Variants in CFDP1 observed in about 807,000 individuals in gnomAD.
CFDP1 encodes heterochromatin-stabilizing protein CFDP1.
Under a neutral mutation model 40.1 loss-of-function variants are expected in CFDP1, and 31 were observed. The observed-to-expected ratio is 0.77, with a 90% CI of 0.58 to 1.04. The LOEUF is 1.04. Among genes scored for constraint, CFDP1 ranks in the 50% least tolerant of loss-of-function variants. CFDP1 has a pLI of 0.00. For missense variants in CFDP1, 423 were observed against 343.4 expected, an observed-to-expected ratio of 1.23 and a Z score of -1.83; for synonymous variants, 167 against 120.0, an observed-to-expected ratio of 1.39 and a Z score of -2.56.
intron 5 of CFDP1, among the ~76,000 whole-genome samples, chr16:75,349,762 T>G (rs1208685995): frequency 6.9e-6 from 1 of 144,626 alleles, no homozygotes; most frequent in Non-Finnish European, 1.5e-5. Flanking sequence ...GCTGAACTTG[T>G]TCATTAGTTC....
chr16:75,306,141 A>G (rs564325097), intron 5 of CFDP1, among the ~76,000 whole-genome samples: 109 of 152,364 alleles, frequency 7.2e-4, no homozygotes, highest in African/African-American at 2.3e-3. Context: ...TATGCAAGAA[A>G]GTTAAACATT....
At chr16:75,430,721 C>T (rs1219484019) in intron 1 of CFDP1, among the ~76,000 whole-genome samples, 33 of 152,184 alleles carry the variant, frequency 2.2e-4, no homozygotes, top group Admixed American at 2.0e-3. Flanking sequence ...GCCTCTGCCT[C>T]CCTAAGTGAT....
chr16:75,338,585 T>C (rs2078506296), intron 5 of CFDP1, among the ~76,000 whole-genome samples: 1 of 152,236 alleles, frequency 6.6e-6, no homozygotes. Flanking sequence ...ATGTCACTGC[T>C]GTTGAGAGCG....
intron 5 of CFDP1, among the ~76,000 whole-genome samples, chr16:75,314,996 C>G (rs997231313): frequency 6.6e-6 from 1 of 152,116 alleles, no homozygotes; most frequent in Non-Finnish European, 1.5e-5. Flanking sequence ...AAGTGATCCG[C>G]CTGCCTCAGC....
chr16:75,367,164 C>CAAAA (rs35018865), intron 5 of CFDP1, among the ~76,000 whole-genome samples: 2 of 87,000 alleles, frequency 2.3e-5, no homozygotes, highest in African/African-American at 4.6e-5. Context: ...GACTCCATCT[C>CAAAA]AAAAAAAAAA....
chr16:75,409,796 A>C (rs1408772244), intron 4 of CFDP1, among the ~76,000 whole-genome samples: 2 of 152,204 alleles, frequency 1.3e-5, no homozygotes, highest in Non-Finnish European at 2.9e-5. Context: ...CCAGTGGTGA[A>C]TCTGGATCAT....
Position 75,433,183 on chromosome 16 carries a change from C to CG in CFDP1, c.64+105_64+106insC, listed in dbSNP as rs1207121533. ...GCGGACGCTCGAGAACAGGAGCCCCCCTGGACCACCTGGGCCACAGGGCAG... is the reference window on the plus strand; with the variant it reads ...GCGGACGCTCGAGAACAGGAGCCCCCGCTGGACCACCTGGGCCACAGGGCAG... On this transcript the variant is annotated intron_variant, in intron 1 of 6. Coordinates refer to ENST00000283882, the MANE Select transcript of CFDP1 (RefSeq NM_006324.3). 4.2e-5 allele frequency: 47 copies of CG among 1,118,406 alleles called. 1 individual carries two copies. The highest frequency in any genetic ancestry group is 4.2e-4 in the South Asian group (31 of 74,294). The allele number at this position is 1,118,406 out of a possible 1,614,324, so 69.3% of individuals were successfully genotyped here.
chr16:75,319,844 G>A (rs1597328724), intron 5 of CFDP1, among the ~76,000 whole-genome samples: 1 of 152,302 alleles, frequency 6.6e-6, no homozygotes. Flanking sequence ...ACTTAAGCAT[G>A]AGCCCTAAGT....
chr16:75,324,359 C>T (rs968042665), intron 5 of CFDP1, among the ~76,000 whole-genome samples: 1 of 152,130 alleles, frequency 6.6e-6, no homozygotes, highest in Non-Finnish European at 1.5e-5. Context: ...TGGTGCACAG[C>T]AGATCATCAA....
intron 4 of CFDP1, among the ~76,000 whole-genome samples, chr16:75,401,423 C>G (rs1435130052): frequency 9.8e-6 from 1 of 102,524 alleles, no homozygotes; most frequent in South Asian, 4.0e-4. Flanking sequence ...GTTAAGACTC[C>G]GTCTCAAAAA....
intron 1 of CFDP1, among the ~76,000 whole-genome samples, chr16:75,421,080 A>C (rs1296500855): frequency 6.6e-6 from 1 of 152,148 alleles, no homozygotes; most frequent in East Asian, 1.9e-4. Context: ...ATCTCCGGCC[A>C]GCCAGCAGAC....
Position 75,293,719 on chromosome 16 carries a change from T to C in CFDP1, c.*233A>G, listed in dbSNP as rs540023409. ...AAGGTGAGCGAGGTCGTCATCTTCATTATCCTCTCACAGGACCAACTTTTA... is the reference window on the plus strand; with the variant it reads ...AAGGTGAGCGAGGTCGTCATCTTCACTATCCTCTCACAGGACCAACTTTTA... On this transcript the variant is annotated 3_prime_UTR_variant, in exon 7 of 7. Coordinates refer to ENST00000283882, the MANE Select transcript of CFDP1 (RefSeq NM_006324.3). The C allele has an allele frequency of 9.6e-5, 48 of 497,556 alleles. No individual in the cohort carries two copies. In the East Asian group the frequency reaches 1.7e-3, roughly 18 times the overall value. The allele number at this position is 497,556 out of a possible 1,614,324, so 30.8% of individuals were successfully genotyped here.
At chr16:75,401,295 G>C (rs912693883) in intron 4 of CFDP1, among the ~76,000 whole-genome samples, 1 of 152,028 alleles carries the variant, frequency 6.6e-6, no homozygotes, top group Admixed American at 6.6e-5. Context: ...AGGCTTGGTG[G>C]CGAGCGCCTG....
rs537714859 is a variant in CFDP1, at chr16:75,423,277, T to C, written c.65-8582A>G. 3.8e-4 allele frequency among the ~76,000 whole-genome samples: 28 copies of C among 73,372 alleles called. No individual in the cohort carries two copies. The East Asian group carries it at 0.021, about 55-fold the overall frequency. The allele number at this position is 73,372 out of a possible 152,430, so 48.1% of individuals were successfully genotyped here. ...GCCTGGGTGACAGAGCAAGACTCCG[T>C]CTCAAAAAAAAAAAAAAAAAAATTA... On this transcript the variant is annotated intron_variant, in intron 1 of 6. Coordinates refer to ENST00000283882, the MANE Select transcript of CFDP1 (RefSeq NM_006324.3).
At chr16:75,313,252 G>A (rs2078305929) in intron 5 of CFDP1, among the ~76,000 whole-genome samples, 1 of 152,218 alleles carries the variant, frequency 6.6e-6, no homozygotes, top group South Asian at 2.1e-4. Context: ...CATCTGTGGT[G>A]CTTGGTTCGT....
chr16:75,392,960 T>C (rs1268295959), intron 5 of CFDP1, among the ~76,000 whole-genome samples: 1 of 152,216 alleles, frequency 6.6e-6, no homozygotes, highest in Admixed American at 6.5e-5. Flanking sequence ...GAGAGAAATA[T>C]CTTGAGTATG....
At chr16:75,386,226 G>T (rs917187085) in intron 5 of CFDP1, among the ~76,000 whole-genome samples, 1 of 152,128 alleles carries the variant, frequency 6.6e-6, no homozygotes, top group Non-Finnish European at 1.5e-5. Flanking sequence ...TTGAGGCTAA[G>T]AGCAAAGGAA....
At chr16:75,392,130 G>C (rs543246849) in intron 5 of CFDP1, among the ~76,000 whole-genome samples, 74 of 152,100 alleles carry the variant, frequency 4.9e-4, no homozygotes, top group African/African-American at 1.7e-3. Flanking sequence ...TGTTGGATGG[G>C]TGCAGTGGCT....
chr16:75,363,334 C>T (rs1258759588), intron 5 of CFDP1, among the ~76,000 whole-genome samples: 3 of 149,894 alleles, frequency 2.0e-5, no homozygotes, highest in Non-Finnish European at 4.4e-5. Context: ...ATTGTTAATA[C>T]TTACTGCTCA....
Sources: gnomAD v4.1 joint callset for allele counts (sites outside exome capture counted in the v4.1 genomes callset) on GRCh38, gnomAD v4.1.1 for gene constraint, MANE v1.5 for transcripts, NCBI Gene and HGNC (gene_info 2026-07-23, HGNC 2026-07-21) for gene names.